CLEC4F: variants seen among roughly 807,000 people sequenced by gnomAD.
CLEC4F encodes C-type (calcium dependent, carbohydrate-recognition domain) lectin, superfamily member 13.
CLEC4F carries 45 observed loss-of-function variants against 53.4 expected under a neutral mutation model. That is an observed-to-expected ratio of 0.84 (90% CI 0.66 to 1.08). The LOEUF (loss-of-function observed/expected upper bound fraction) is 1.08. CLEC4F is among the 50% of genes least tolerant of loss of function. CLEC4F has a pLI of 0.00. For synonymous variants in CLEC4F, 245 were observed against 257.5 expected (o/e 0.95, Z 0.46); for missense variants, 753 against 698.2 (o/e 1.08, Z -0.88).
intron 3 of CLEC4F, among the ~76,000 whole-genome samples, chr2:70,818,917 T>C (rs1677072956): frequency 6.6e-6 from 1 of 151,996 alleles, no homozygotes. Flanking sequence ...GAAAAATATT[T>C]GCAAATCACA....
At chr2:70,820,696 G>C (rs1553397807), upstream of CLEC4F, 2 of 600,246 alleles carry the variant, frequency 3.3e-6, no homozygotes, top group Non-Finnish European at 5.7e-6. Context: ...CGCCCCAGTG[G>C]GCCCCTCCCC....
chr2:70,819,647 C>G, intron 2 of CLEC4F, 128 bp downstream of exon 2: 1 of 845,678 alleles, frequency 1.2e-6, no homozygotes, highest in Non-Finnish European at 1.9e-6. Flanking sequence ...GTGGCTTGGG[C>G]CTGGAGCTGG....
chr2:70,817,188 T>C, intron 3 of CLEC4F, 76 bp from the exon 4 acceptor site: 1 of 1,447,292 alleles, frequency 6.9e-7, no homozygotes, highest in Non-Finnish European at 9.2e-7. Context: ...ACCCAGAGTG[T>C]TTCTAACATT....
chr2:70,816,061 CT>C lies in CLEC4F; in HGVS notation c.1319del (p.Gln440ArgfsTer6). On this transcript the variant is annotated frameshift_variant, in exon 4 of 7. Transcript: ENST00000272367. LOFTEE classifies it high-confidence loss of function. ...GGAGGGTCTTCAGGCGACTCTGCTC[CT>C]GCTGGATTTCCATGGTTAGAGCTTT... ...NTKALTMEIQ[Q>X]EQSRLKTLHV... 1 of 1,614,188 alleles carries C rather than the reference CT, an allele frequency of 6.2e-7. No individual in the cohort carries two copies. Among genetic ancestry groups the C allele is most frequent in the Non-Finnish European group, 8.5e-7 (1 of 1,180,024 alleles).
intron 4 of CLEC4F, among the ~76,000 whole-genome samples, chr2:70,815,619 T>C (rs1676851929): frequency 6.6e-6 from 1 of 152,134 alleles, no homozygotes; most frequent in Admixed American, 6.5e-5. Context: ...TATTATTGTC[T>C]CCCCCTTGCA....
chr2:70,820,766 G>A (rs898764053), upstream of CLEC4F, among the ~76,000 whole-genome samples: 1 of 151,968 alleles, frequency 6.6e-6, no homozygotes, highest in Non-Finnish European at 1.5e-5. Flanking sequence ...GCACCTTCCC[G>A]TCAGTTCTCA....
chr2:70,809,932 T>A, intron 5 of CLEC4F, 75 bp from the exon 6 acceptor site: 1 of 879,478 alleles, frequency 1.1e-6, no homozygotes, highest in Non-Finnish European at 2.0e-6. Flanking sequence ...GAGAACCTGC[T>A]TATAGATATA....
Position 70,809,067 on chromosome 2 carries a change from C to G in CLEC4F, c.*204G>C, listed in dbSNP as rs1676391711. ...TGTGCCGCCAGTTGTCAGACTGATTCTTTTCCCAAAACCCGAAGACAACAG... is the reference window on the plus strand; with the variant it reads ...TGTGCCGCCAGTTGTCAGACTGATTGTTTTCCCAAAACCCGAAGACAACAG... On this transcript the variant is annotated 3_prime_UTR_variant, in exon 7 of 7. Transcript: ENST00000272367. 6.5e-7 allele frequency: 1 copy of G among 1,543,134 alleles called. No homozygotes were observed. The highest frequency in any genetic ancestry group is 8.7e-7 in the Non-Finnish European group (1 of 1,146,560).
In CLEC4F at chr2:70,816,224, G is replaced by C. The variant is rs782076479; in HGVS notation, c.1157C>G (p.Ala386Gly). The change falls in exon 4 of 7, where the codon GCC becomes GGC. Residue 386 changes from alanine to glycine, a missense_variant. Coordinates refer to ENST00000272367, the MANE Select transcript of CLEC4F (RefSeq NM_173535.3). ...TTTTAGGGTCTGTATCTCTCTGCTG[G>C]CATTTTTCATATGACCATTTAAGAC... Reference protein sequence around the residue: ...IQVLNGHMKNASREIQTLKQG... With the variant: ...IQVLNGHMKNGSREIQTLKQG... The C allele has an allele frequency of 3.1e-6, 5 of 1,614,142 alleles. No homozygotes were observed. Among genetic ancestry groups the C allele is most frequent in the Non-Finnish European group, 4.2e-6 (5 of 1,180,024 alleles).
intron 5 of CLEC4F, chr2:70,811,498 A>T (rs1308169528): frequency 2.1e-6 from 1 of 466,444 alleles, no homozygotes; most frequent in African/African-American, 2.0e-5. Flanking sequence ...CCCATAGCTT[A>T]TTAAGAAGAT....
At chr2:70,812,741 CCTGGGGGG>C in intron 4 of CLEC4F, 143 bp from the exon 5 acceptor site, 1 of 835,254 alleles carries the variant, frequency 1.2e-6, no homozygotes, top group Non-Finnish European at 1.9e-6. Context: ...AGGAGAAAGG[CCTGGGGGG>C]CTGCACTGCC....
intron 6 of CLEC4F, 70 bp downstream of exon 6, chr2:70,809,669 G>C (rs1398299796): frequency 1.7e-6 from 2 of 1,164,272 alleles, no homozygotes; most frequent in Non-Finnish European, 2.6e-6. Context: ...ACTGGGAAGG[G>C]ACACACAGTG....
intron 5 of CLEC4F, chr2:70,811,020 A>C (rs1553394107): frequency 1.1e-5 from 7 of 617,438 alleles, no homozygotes; most frequent in Non-Finnish European, 6.3e-6. Flanking sequence ...GTGTCACTAC[A>C]GATGATTCCT....
chr2:70,816,430 G>A lies in CLEC4F; in HGVS notation c.951C>T (p.Ile317=). 1 of 1,614,020 alleles carries A rather than the reference G, an allele frequency of 6.2e-7. No homozygotes were observed. Among genetic ancestry groups the A allele is most frequent in the Non-Finnish European group, 8.5e-7 (1 of 1,179,994 alleles). Residue 317 remains isoleucine (I), a synonymous_variant, in exon 4 of 7, where the codon ATC becomes ATT. Coordinates refer to ENST00000272367, the MANE Select transcript of CLEC4F (RefSeq NM_173535.3). ...TTTCCAAATGACCTCTTAAGAACTG[G>A]ATCTCAGCACTAGTGTTGTCAAAAC... The part of the protein sequence containing the change: ...KSSFDNTSAE[I]QFLRGHLERA...
intron 3 of CLEC4F, among the ~76,000 whole-genome samples, chr2:70,817,750 C>T (rs1677001113): frequency 6.6e-6 from 1 of 152,180 alleles, no homozygotes; most frequent in Non-Finnish European, 1.5e-5. Flanking sequence ...ATGATAGAGG[C>T]ATGCCATGCC....
Position 70,809,033 on chromosome 2 carries a change from G to A in CLEC4F, c.*238C>T. The A allele has an allele frequency of 2.0e-6, 3 of 1,489,062 alleles. No homozygotes were observed. Among genetic ancestry groups the A allele is most frequent in the South Asian group, 2.4e-5 (2 of 82,924 alleles). The allele number at this position is 1,489,062 out of a possible 1,614,324, so 92.2% of individuals were successfully genotyped here. A position where few individuals can be genotyped will look rare whatever the true frequency, so the allele number is the denominator to read the frequency against. ...TGAATTTGGACACAGTCTTCAGTCT[G>A]CCCATTCTTGTGCCGCCAGTTGTCA... On this transcript the variant is annotated 3_prime_UTR_variant, in exon 7 of 7. Transcript: ENST00000272367.
Position 70,819,780 on chromosome 2 carries a change from A to G in CLEC4F, c.173T>C (p.Val58Ala). The G allele has an allele frequency of 6.3e-7, 1 of 1,591,552 alleles. No homozygotes were observed. Among genetic ancestry groups the G allele is most frequent in the Non-Finnish European group, 8.5e-7 (1 of 1,169,998 alleles). The change falls in exon 2 of 7, where the codon GTA becomes GCA. Residue 58 changes from valine to alanine, a missense_variant. Physicochemically the swap from Val to Ala is moderately conservative, Grantham distance 64 (BLOSUM62 0). Transcript: ENST00000272367. ...TGGGTCACCTGGGGGCTTACCCACT[A>G]CAAAGAGAGTCACAAGAGAGAAGAC... ...TLVFSLVTLF[V>A]VVQQQTRPVP...
intron 4 of CLEC4F, 82 bp from the exon 5 acceptor site, chr2:70,812,680 C>A: frequency 3.5e-6 from 5 of 1,416,866 alleles, no homozygotes; most frequent in Non-Finnish European, 4.9e-6. Context: ...CTCTCTAGGG[C>A]CTGCCCACTG....
At chr2:70,812,137 G>A (rs1676602464) in intron 5 of CLEC4F, among the ~76,000 whole-genome samples, 1 of 152,162 alleles carries the variant, frequency 6.6e-6, no homozygotes, top group Non-Finnish European at 1.5e-5. Flanking sequence ...AAAAACAAAT[G>A]CAAGAGAAGG....
Sources: gnomAD v4.1 joint callset for allele counts (sites outside exome capture counted in the v4.1 genomes callset) on GRCh38, gnomAD v4.1.1 for gene constraint, MANE v1.5 for transcripts, NCBI Gene and HGNC (gene_info 2026-07-23, HGNC 2026-07-21) for gene names.